The following TEX11 variants were observed in gnomAD, a reference collection of about 807,000 sequenced individuals.
The protein encoded by TEX11 is testis expressed 11.
Under a neutral mutation model 84.4 loss-of-function variants are expected in TEX11, and 7 were observed. The observed-to-expected ratio is 0.08, with a 90% confidence interval of 0.05 to 0.16. The LOEUF (loss-of-function observed/expected upper bound fraction) is 0.16, where lower values mean the gene tolerates loss of function less well. Among genes scored for constraint, TEX11 ranks in the 10% least tolerant of loss-of-function variants. The pLI is 1.00. For synonymous variants in TEX11, 264 were observed against 222.8 expected, an observed-to-expected ratio of 1.18 and a Z score of -1.64; for missense variants, 551 against 660.5, an observed-to-expected ratio of 0.83 and a Z score of 1.82.
chrX:70,787,383 T>C (rs182370292), intron 9 of TEX11, among the ~76,000 whole-genome samples: 81 of 108,132 alleles, frequency 7.5e-4, no homozygotes, highest in Non-Finnish European at 1.4e-3. Context: ...CAGGTTGGAG[T>C]GCAGTGGCAC....
chrX:70,658,064 T>G (rs1280517085), intron 16 of TEX11, among the ~76,000 whole-genome samples: 4 of 109,263 alleles, frequency 3.7e-5, no homozygotes, highest in Non-Finnish European at 7.6e-5. Context: ...ACCCTAAAAC[T>G]TAAAGTATAA....
chrX:70,583,960 CA>C (rs942214124), intron 25 of TEX11, among the ~76,000 whole-genome samples: 2 of 111,982 alleles, frequency 1.8e-5, no homozygotes, highest in African/African-American at 6.5e-5. Context: ...TACTGTACAT[CA>C]AAAAATTAGA....
chrX:70,792,315 A>AAAAAATATAT (rs1569442788), intron 9 of TEX11, among the ~76,000 whole-genome samples: 3 of 14,908 alleles, frequency 2.0e-4, no homozygotes, highest in Non-Finnish European at 3.1e-4. Context: ...AAAAAAAAAA[A>AAAAAATATAT]ATATATATAT....
chrX:70,740,265 C>G (rs530706144), intron 11 of TEX11, among the ~76,000 whole-genome samples: 2 of 111,356 alleles, frequency 1.8e-5, no homozygotes, highest in South Asian at 7.6e-4. Context: ...CATCAAGGTG[C>G]TCGCAGATTC....
intron 11 of TEX11, among the ~76,000 whole-genome samples, chrX:70,729,857 T>C (rs1456142831): frequency 1.8e-5 from 2 of 111,235 alleles, no homozygotes; most frequent in East Asian, 5.6e-4. Context: ...CACATAATTG[T>C]CAGATTCACC....
At chrX:70,845,813 G>A (rs975898905) in intron 7 of TEX11, among the ~76,000 whole-genome samples, 3 of 111,319 alleles carry the variant, frequency 2.7e-5, no homozygotes, top group Non-Finnish European at 5.7e-5. Flanking sequence ...GGGTGACAGA[G>A]CAAGACTCCA....
intron 14 of TEX11, among the ~76,000 whole-genome samples, chrX:70,679,337 T>C (rs1332367299): frequency 9.1e-6 from 1 of 109,964 alleles, no homozygotes; most frequent in Non-Finnish European, 1.9e-5. Flanking sequence ...AGTGCCGAGA[T>C]TGCAGCCTCT....
chrX:70,750,253 C>A (rs2090805186), intron 9 of TEX11, among the ~76,000 whole-genome samples: 2 of 111,038 alleles, frequency 1.8e-5, no homozygotes, highest in South Asian at 7.7e-4. Context: ...GAATGGCAAT[C>A]ATTAAAAAGT....
intron 9 of TEX11, among the ~76,000 whole-genome samples, chrX:70,757,698 A>G (rs760293531): frequency 1.2e-3 from 139 of 111,988 alleles, no homozygotes; most frequent in Admixed American, 4.0e-3. Flanking sequence ...CTATGCTAGG[A>G]AAAAACTGCA....
chrX:70,591,279 T>C (rs1603112987), intron 25 of TEX11, among the ~76,000 whole-genome samples: 1 of 110,812 alleles, frequency 9.0e-6, no homozygotes, highest in African/African-American at 3.3e-5. Flanking sequence ...TCAATACTGA[T>C]ATAGAGTGGG....
chrX:70,725,429 AC>A, intron 11 of TEX11, 86 bp from the exon 12 acceptor site: 1 of 570,345 alleles, frequency 1.8e-6, no homozygotes, highest in Non-Finnish European at 2.8e-6. Context: ...TTATTCAACC[AC>A]CTTGGGATAA....
chrX:70,711,588 T>C (rs1289103716), intron 13 of TEX11, among the ~76,000 whole-genome samples: 1 of 112,376 alleles, frequency 8.9e-6, no homozygotes, highest in Non-Finnish European at 1.9e-5. Context: ...AAATGTCTTC[T>C]TTTGAGAAGT....
chrX:70,613,881 G>A (rs995486611), intron 20 of TEX11, among the ~76,000 whole-genome samples: 1 of 111,259 alleles, frequency 9.0e-6, no homozygotes, highest in Non-Finnish European at 1.9e-5. Flanking sequence ...CTGGGCAGAG[G>A]CATGAGACCC....
chrX:70,780,997 G>A (rs781420608), intron 9 of TEX11, among the ~76,000 whole-genome samples: 1 of 112,419 alleles, frequency 8.9e-6, no homozygotes, highest in Non-Finnish European at 1.9e-5. Context: ...TGGACAGACT[G>A]CCTCCTCAAG....
chrX:70,791,820 C>A (rs978214486), intron 9 of TEX11, among the ~76,000 whole-genome samples: 11 of 111,506 alleles, frequency 9.9e-5, no homozygotes, highest in Admixed American at 7.6e-4. Context: ...AATTAAGATA[C>A]ACGACATGCC....
chrX:70,547,953 T>C (rs918594091), intron 28 of TEX11, among the ~76,000 whole-genome samples: 1 of 111,975 alleles, frequency 8.9e-6, no homozygotes. Flanking sequence ...CATGCTGCTA[T>C]AAAGACACAT....
At chrX:70,568,828 T>C (rs1159963891) in intron 25 of TEX11, among the ~76,000 whole-genome samples, 1 of 111,077 alleles carries the variant, frequency 9.0e-6, no homozygotes, top group Admixed American at 9.6e-5. Flanking sequence ...TCTCTCTGGC[T>C]GCCCTTAACA....
chrX:70,824,237 T>C (rs1418561843), intron 8 of TEX11, among the ~76,000 whole-genome samples: 1 of 111,745 alleles, frequency 8.9e-6, no homozygotes, highest in African/African-American at 3.3e-5. Context: ...TACCATTCTT[T>C]TCCTCTAATA....
At chrX:70,765,943 T>C (rs2090937501) in intron 9 of TEX11, among the ~76,000 whole-genome samples, 1 of 112,376 alleles carries the variant, frequency 8.9e-6, no homozygotes, top group Admixed American at 9.4e-5. Context: ...AGTTGCAGGA[T>C]ACAAAATCAA....
Sources: gnomAD v4.1 joint callset for allele counts (sites outside exome capture counted in the v4.1 genomes callset) on GRCh38, gnomAD v4.1.1 for gene constraint, MANE v1.5 for transcripts, NCBI Gene and HGNC (gene_info 2026-07-23, HGNC 2026-07-21) for gene names.